Variants in CPXM2 observed in about 807,000 individuals in gnomAD.
CPXM2 encodes inactive carboxypeptidase-like protein X2.
Under a neutral mutation model 86.1 loss-of-function variants are expected in CPXM2, and 66 were observed. That is an observed-to-expected ratio of 0.77 (90% confidence interval 0.63 to 0.94). CPXM2 has a LOEUF of 0.94. Among genes scored for constraint, CPXM2 ranks in the 40% least tolerant of loss-of-function variants. CPXM2 has a pLI of 0.00. For synonymous variants in CPXM2, 388 were observed against 400.2 expected, an observed-to-expected ratio of 0.97 and a Z score of 0.36; for missense variants, 948 against 1,026.3, an observed-to-expected ratio of 0.92 and a Z score of 1.04.
chr10:123,759,726 G>A (rs1046212335), intron 11 of CPXM2, among the ~76,000 whole-genome samples: 8 of 152,202 alleles, frequency 5.3e-5, no homozygotes, highest in Admixed American at 6.5e-5. Flanking sequence ...AGGCACAGCC[G>A]CATTCCTTAC....
intron 6 of CPXM2, among the ~76,000 whole-genome samples, chr10:123,792,779 G>A (rs922300332): frequency 2.6e-5 from 4 of 152,072 alleles, no homozygotes; most frequent in African/African-American, 4.8e-5. Context: ...CATACAAATC[G>A]GCATCAGAAG....
At chr10:123,835,135 G>A (rs1590049546) in intron 4 of CPXM2, among the ~76,000 whole-genome samples, 1 of 152,186 alleles carries the variant, frequency 6.6e-6, no homozygotes, top group Admixed American at 6.5e-5. Flanking sequence ...AGGGGTGGGG[G>A]AGTTAGTGAG....
At chr10:123,775,583 G>A (rs1846766064) in intron 7 of CPXM2, among the ~76,000 whole-genome samples, 1 of 152,184 alleles carries the variant, frequency 6.6e-6, no homozygotes, top group South Asian at 2.1e-4. Flanking sequence ...AGATGGCTGG[G>A]CCACGAGCCA....
chr10:123,817,930 C>T (rs1030416872), intron 4 of CPXM2, among the ~76,000 whole-genome samples: 10 of 152,208 alleles, frequency 6.6e-5, no homozygotes, highest in Admixed American at 1.3e-4. Context: ...TGGTTGTGCA[C>T]TTTGCCTGTA....
upstream of CPXM2, among the ~76,000 whole-genome samples, chr10:123,892,975 G>A (rs1162756545): frequency 4.6e-5 from 7 of 152,260 alleles, no homozygotes; most frequent in South Asian, 2.1e-4. Flanking sequence ...ACATCTTTCC[G>A]CCTTCCAGCT....
At chr10:123,824,463 G>A (rs1848002928) in intron 4 of CPXM2, among the ~76,000 whole-genome samples, 1 of 152,176 alleles carries the variant, frequency 6.6e-6, no homozygotes, top group South Asian at 2.1e-4. Context: ...TATTCCCACA[G>A]AGAGAGATCT....
At chr10:123,788,956 CA>C (rs1368707781) in intron 6 of CPXM2, among the ~76,000 whole-genome samples, 1 of 151,746 alleles carries the variant, frequency 6.6e-6, no homozygotes, top group Non-Finnish European at 1.5e-5. Context: ...TGCTTGGTCA[CA>C]AGAGATTTTT....
chr10:123,762,824 G>A (rs1386451338), intron 10 of CPXM2, among the ~76,000 whole-genome samples: 1 of 152,228 alleles, frequency 6.6e-6, no homozygotes, highest in East Asian at 1.9e-4. Flanking sequence ...TCCCTGTGAA[G>A]ATAATCTCAG....
intron 2 of CPXM2, among the ~76,000 whole-genome samples, chr10:123,938,433 G>C (rs999008596): frequency 2.6e-5 from 4 of 152,182 alleles, no homozygotes; most frequent in African/African-American, 9.7e-5. Flanking sequence ...TCATGAGATG[G>C]CTTCAAAGAG....
At chr10:123,845,527 C>G (rs1367500565) in intron 3 of CPXM2, among the ~76,000 whole-genome samples, 3 of 151,836 alleles carry the variant, frequency 2.0e-5, no homozygotes, top group Admixed American at 2.0e-4. Context: ...AATAGAAAGG[C>G]TTTCTATTTT....
intron 13 of CPXM2, chr10:123,750,225 A>G (rs1846045175): frequency 3.0e-6 from 3 of 985,360 alleles, no homozygotes; most frequent in Non-Finnish European, 2.4e-6. Flanking sequence ...GGAGAAATAG[A>G]CAAGCAGGTG....
chr10:123,851,706 T>A (rs562363341), intron 3 of CPXM2, among the ~76,000 whole-genome samples: 1 of 149,084 alleles, frequency 6.7e-6, no homozygotes, highest in Admixed American at 6.7e-5. Context: ...GAGATGGAGG[T>A]TGCAGTGAGC....
At position 123,780,150 on chromosome 10, in the gene CPXM2, T is replaced by C; in HGVS notation, c.978+17A>G. 1 of 1,527,610 alleles carries C rather than the reference T, an allele frequency of 6.5e-7. No homozygotes were observed. Among genetic ancestry groups the C allele is most frequent in the Non-Finnish European group, 9.1e-7 (1 of 1,101,138 alleles). The allele number at this position is 1,527,610 out of a possible 1,614,324, so 94.6% of individuals were successfully genotyped here. ...TTGACAAATTCCTGGCATGAGGCTT[T>C]GTGATCTGGGTCTTACCTGGCGCAT... On this transcript the variant is annotated intron_variant, in intron 7 of 13. Transcript: ENST00000241305.
chr10:123,762,024 G>T lies in CPXM2; in HGVS notation c.1625C>A (p.Thr542Asn), dbSNP rs1419796814. ...SPWKTQEHTP[T>N]PDDHVFRWLA... ...CCAGCGGAACACGTGGTCGTCGGGG[G>T]TGGGGGTGTGTTCCTGCGTCTTCCA... Residue 542 changes from threonine to asparagine, a missense_variant, in exon 11 of 14, where the codon ACC becomes AAC. Transcript: ENST00000241305. 1 of 1,612,280 alleles carries T rather than the reference G, an allele frequency of 6.2e-7. No homozygotes were observed. The highest frequency in any genetic ancestry group is 1.3e-5 in the African/African-American group (1 of 74,886).
chr10:123,874,032 T>C (rs891325059), intron 2 of CPXM2, among the ~76,000 whole-genome samples: 2 of 151,926 alleles, frequency 1.3e-5, no homozygotes, highest in Admixed American at 6.6e-5. Context: ...GGTAATTTTT[T>C]GTATTTTAGT....
chr10:123,876,544 C>A (rs1279630366), intron 2 of CPXM2, among the ~76,000 whole-genome samples: 1 of 152,104 alleles, frequency 6.6e-6, no homozygotes, highest in African/African-American at 2.4e-5. Flanking sequence ...CAAACTATAG[C>A]CCATGTAAAG....
chr10:123,811,271 T>TA (rs1478899196), intron 4 of CPXM2, among the ~76,000 whole-genome samples: 25 of 152,198 alleles, frequency 1.6e-4, no homozygotes, highest in African/African-American at 5.5e-4. Flanking sequence ...TTACATTAGG[T>TA]ATATCTCCTA....
intron 2 of CPXM2, among the ~76,000 whole-genome samples, chr10:123,874,701 G>T (rs895405030): frequency 6.6e-6 from 1 of 152,186 alleles, no homozygotes; most frequent in Admixed American, 6.5e-5. Flanking sequence ...ATGGAAACAG[G>T]ATAGATCACA....
chr10:123,851,651 C>A (rs1848600184), intron 3 of CPXM2, among the ~76,000 whole-genome samples: 1 of 151,994 alleles, frequency 6.6e-6, no homozygotes, highest in Admixed American at 6.6e-5. Flanking sequence ...CACCTGTAAT[C>A]CCAGCTCCTC....
Sources: gnomAD v4.1 joint callset for allele counts (sites outside exome capture counted in the v4.1 genomes callset) on GRCh38, gnomAD v4.1.1 for gene constraint, MANE v1.5 for transcripts, NCBI Gene and HGNC (gene_info 2026-07-23, HGNC 2026-07-21) for gene names.